RIC1: variants seen among roughly 807,000 people sequenced by gnomAD.
RIC1 encodes guanine nucleotide exchange factor subunit RIC1.
In RIC1, 88 loss-of-function variants were observed where a neutral mutation model predicts 169.0. That is an observed-to-expected ratio of 0.52 (90% CI 0.44 to 0.62). The LOEUF is 0.62. Ranked by LOEUF, RIC1 falls within the 20% of genes least tolerant of loss-of-function variation. The probability of loss-of-function intolerance (pLI) is 0.00; values close to 1 mark genes in which losing one functional copy is unlikely to be tolerated. For synonymous variants in RIC1, 790 were observed against 601.5 expected (o/e 1.31, Z -4.59); for missense variants, 1,877 against 1,725.5 (o/e 1.09, Z -1.56).
At position 5,775,588 on chromosome 9, in the gene RIC1, T is replaced by G. The variant is rs1309792404; in HGVS notation, c.*1342T>G. ...CTATCTAAAATAGCCTCTTTTCTCA[T>G]AGTGCAGTTGTAGTTTAGAAACAAA... On this transcript the variant is annotated 3_prime_UTR_variant, in exon 26 of 26. Coordinates refer to ENST00000414202, the MANE Select transcript of RIC1 (RefSeq NM_020829.4). The G allele has an allele frequency of 6.6e-6, 1 of 152,202 alleles. No homozygotes were observed. The highest frequency in any genetic ancestry group is 1.5e-5 in the Non-Finnish European group (1 of 68,018). 9.4% of individuals were successfully genotyped at this position (152,202 alleles called of 1,614,324 possible).
intron 2 of RIC1, among the ~76,000 whole-genome samples, chr9:5,666,572 T>C (rs1380951003): frequency 6.6e-6 from 1 of 152,222 alleles, no homozygotes; most frequent in East Asian, 1.9e-4. Context: ...CTGTTCTTAG[T>C]TTCTGGCATG....
chr9:5,673,739 T>A (rs755077573), intron 2 of RIC1, among the ~76,000 whole-genome samples: 5 of 151,732 alleles, frequency 3.3e-5, no homozygotes, highest in Non-Finnish European at 7.4e-5. Flanking sequence ...TCAAATTGCA[T>A]GGTAATGTGT....
At chr9:5,690,788 C>G (rs930895466) in intron 3 of RIC1, among the ~76,000 whole-genome samples, 1 of 151,746 alleles carries the variant, frequency 6.6e-6, no homozygotes, top group African/African-American at 2.4e-5. Flanking sequence ...AGGGCCAAGT[C>G]TTACTACTTT....
Position 5,653,286 on chromosome 9 carries a change from G to C in RIC1, c.145-3297G>C, listed in dbSNP as rs143715113. ...GGCTCTCTATTCTGTTCCATTGATTGATTTGTTTATTATTTTGTTAATACC... is the reference window on the plus strand; with the variant it reads ...GGCTCTCTATTCTGTTCCATTGATTCATTTGTTTATTATTTTGTTAATACC... On this transcript the variant is annotated intron_variant, in intron 1 of 25. Coordinates refer to ENST00000414202, the MANE Select transcript of RIC1 (RefSeq NM_020829.4). 9.9e-5 allele frequency among the ~76,000 whole-genome samples: 15 copies of C among 152,208 alleles called. No homozygotes were observed. The East Asian group carries it at 2.9e-3, about 29-fold the overall frequency.
intron 2 of RIC1, among the ~76,000 whole-genome samples, chr9:5,662,308 C>G (rs1179786539): frequency 6.6e-6 from 1 of 152,072 alleles, no homozygotes; most frequent in East Asian, 1.9e-4. Context: ...TGTTTTGTCT[C>G]TGCCAGGTTT....
At chr9:5,753,976 C>G (rs914785301) in intron 14 of RIC1, among the ~76,000 whole-genome samples, 1 of 152,250 alleles carries the variant, frequency 6.6e-6, no homozygotes, top group Middle Eastern at 3.4e-3. Flanking sequence ...AATTTGAGAT[C>G]ATTCCATGCC....
chr9:5,645,112 G>A (rs1329506252), intron 1 of RIC1, among the ~76,000 whole-genome samples: 4 of 151,890 alleles, frequency 2.6e-5, no homozygotes, highest in Admixed American at 2.0e-4. Context: ...AAAAAACAGT[G>A]ATCTGATCTT....
chr9:5,731,540 C>A (rs903271680), intron 6 of RIC1, among the ~76,000 whole-genome samples: 2 of 151,998 alleles, frequency 1.3e-5, no homozygotes, highest in Non-Finnish European at 2.9e-5. Flanking sequence ...TTATAGTGTG[C>A]CACTTTTTCT....
intron 11 of RIC1, 147 bp downstream of exon 11, chr9:5,746,230 A>G (rs1825370297): frequency 4.0e-6 from 2 of 502,776 alleles, no homozygotes; most frequent in African/African-American, 2.0e-5. Flanking sequence ...AATTTATATT[A>G]AATTTATACC....
intron 2 of RIC1, among the ~76,000 whole-genome samples, chr9:5,679,853 C>A (rs1405764387): frequency 6.6e-6 from 1 of 152,040 alleles, no homozygotes; most frequent in East Asian, 1.9e-4. Context: ...GCCTGATTGC[C>A]CTGGCCAGAA....
intron 1 of RIC1, among the ~76,000 whole-genome samples, chr9:5,641,746 A>C (rs1818261922): frequency 7.0e-6 from 1 of 143,338 alleles, no homozygotes; most frequent in Non-Finnish European, 1.5e-5. Context: ...GCATTTTTCA[A>C]CTTTAGAATT....
intron 1 of RIC1, among the ~76,000 whole-genome samples, chr9:5,636,080 G>C (rs34232374): frequency 1.3e-5 from 2 of 152,004 alleles, no homozygotes; most frequent in African/African-American, 4.8e-5. Context: ...TTGTTTTTCT[G>C]TTTATGTGAA....
intron 6 of RIC1, among the ~76,000 whole-genome samples, chr9:5,726,831 A>G (rs1332984391): frequency 6.6e-6 from 1 of 152,220 alleles, no homozygotes; most frequent in Non-Finnish European, 1.5e-5. Context: ...TTGGCTGGAT[A>G]TGAAATTCTG....
intron 1 of RIC1, among the ~76,000 whole-genome samples, chr9:5,634,916 T>C (rs996721083): frequency 1.8e-4 from 28 of 152,170 alleles, no homozygotes; most frequent in Non-Finnish European, 2.2e-4. Context: ...TGTGTATTTG[T>C]GGGGTATATG....
chr9:5,690,455 C>T (rs918265121), intron 3 of RIC1, among the ~76,000 whole-genome samples: 17 of 152,002 alleles, frequency 1.1e-4, no homozygotes, highest in African/African-American at 3.1e-4. Flanking sequence ...TTGGGAAAAA[C>T]GTGGACTTTT....
chr9:5,713,706 T>G (rs1823068138), intron 3 of RIC1, 190 bp from the exon 4 acceptor site: 1 of 370,428 alleles, frequency 2.7e-6, no homozygotes, highest in Non-Finnish European at 4.9e-6. Flanking sequence ...GGTCAAACAT[T>G]TATTTCCAAT....
intron 1 of RIC1, among the ~76,000 whole-genome samples, chr9:5,647,584 T>C (rs1210961750): frequency 6.6e-6 from 1 of 152,248 alleles, no homozygotes; most frequent in Non-Finnish European, 1.5e-5. Flanking sequence ...CTGATTTTTC[T>C]GTGTTGATTT....
At chr9:5,709,465 T>C (rs1022324016) in intron 3 of RIC1, among the ~76,000 whole-genome samples, 1 of 152,192 alleles carries the variant, frequency 6.6e-6, no homozygotes, top group Non-Finnish European at 1.5e-5. Flanking sequence ...TCTCAATATT[T>C]GTACGTTTCA....
At chr9:5,771,432 T>C (rs1204310468) in intron 23 of RIC1, among the ~76,000 whole-genome samples, 2 of 152,202 alleles carry the variant, frequency 1.3e-5, no homozygotes, top group Non-Finnish European at 2.9e-5. Context: ...CTTCTGATGA[T>C]GGACACTTGG....
Sources: gnomAD v4.1 joint callset for allele counts (sites outside exome capture counted in the v4.1 genomes callset) on GRCh38, gnomAD v4.1.1 for gene constraint, MANE v1.5 for transcripts, NCBI Gene and HGNC (gene_info 2026-07-23, HGNC 2026-07-21) for gene names.